UPRT: variants seen among roughly 807,000 people sequenced by gnomAD.
UPRT encodes the protein uracil phosphoribosyltransferase homolog, also known as RP11-311P8.3.
UPRT carries 5 observed loss-of-function variants against 22.6 expected under a neutral mutation model. That is an observed-to-expected ratio of 0.22 (90% CI 0.12 to 0.47). The LOEUF is 0.47. UPRT is among the 20% of genes least tolerant of loss of function. The probability of loss-of-function intolerance (pLI) is 0.99; values close to 1 mark genes in which losing one functional copy is unlikely to be tolerated. For missense variants in UPRT, 181 were observed against 239.9 expected (o/e 0.75, Z 1.62); for synonymous variants, 77 against 87.7 (o/e 0.88, Z 0.68).
At chrX:75,173,226 G>A (rs916511382) in intron 4 of UPRT, among the ~76,000 whole-genome samples, 1 of 111,808 alleles carries the variant, frequency 8.9e-6, no homozygotes, top group Non-Finnish European at 1.9e-5. Context: ...TGATTGGTGT[G>A]TTTACAAACC....
intron 1 of UPRT, among the ~76,000 whole-genome samples, chrX:75,282,137 G>A: frequency 9.0e-6 from 1 of 110,633 alleles, no homozygotes; most frequent in South Asian, 3.7e-4. Context: ...TCTTAGTGAG[G>A]TCATTTGGAT....
chrX:75,202,368 A>T (rs1040565947), intron 4 of UPRT, among the ~76,000 whole-genome samples: 9 of 111,191 alleles, frequency 8.1e-5, no homozygotes, highest in Non-Finnish European at 1.5e-4. Flanking sequence ...TGGGAGTCTA[A>T]GGCAAGAGGA....
At chrX:75,294,674 T>C (rs969191298) in intron 2 of UPRT, 5 of 828,531 alleles carry the variant, frequency 6.0e-6, no homozygotes, top group Non-Finnish European at 7.8e-6. Flanking sequence ...TGAGTTTTCA[T>C]TGGCAGTAAT....
intron 3 of UPRT, among the ~76,000 whole-genome samples, chrX:75,164,226 A>T (rs1473342805): frequency 9.0e-6 from 1 of 111,655 alleles, no homozygotes; most frequent in African/African-American, 3.3e-5. Flanking sequence ...TGTGAGTTTG[A>T]TCTCTAACAT....
intron 4 of UPRT, among the ~76,000 whole-genome samples, chrX:75,265,832 A>G (rs1362389786): frequency 1.8e-5 from 2 of 110,937 alleles, no homozygotes; most frequent in Admixed American, 1.9e-4. Flanking sequence ...GTCTTTGATG[A>G]TGGTGACATA....
intron 1 of UPRT, among the ~76,000 whole-genome samples, chrX:75,288,109 T>G (rs1259102239): frequency 9.0e-6 from 1 of 111,164 alleles, no homozygotes; most frequent in Non-Finnish European, 1.9e-5. Context: ...ACAAACATTC[T>G]CCTAAAATTG....
At chrX:75,220,325 A>G (rs1387559834) in intron 4 of UPRT, among the ~76,000 whole-genome samples, 2 of 111,229 alleles carry the variant, frequency 1.8e-5, no homozygotes, top group Admixed American at 1.9e-4. Flanking sequence ...CTTGTAGGCA[A>G]CAGATCAATG....
At chrX:75,175,206 ACTTCAGTGTTGATTC>A (rs2082243002) in intron 4 of UPRT, among the ~76,000 whole-genome samples, 1 of 111,322 alleles carries the variant, frequency 9.0e-6, no homozygotes, top group South Asian at 3.8e-4. Flanking sequence ...TAATGCCCAG[ACTTCAGTGTTGATTC>A]CTTCCTCAAG....
chrX:75,227,039 T>C (rs191425743), intron 4 of UPRT, among the ~76,000 whole-genome samples: 66 of 111,194 alleles, frequency 5.9e-4, no homozygotes, highest in Admixed American at 1.2e-3. Flanking sequence ...AAACAAGCTT[T>C]GGGCATGTAT....
chrX:75,303,863 C>T lies in UPRT; in HGVS notation c.*352C>T, dbSNP rs1474192826. 7.0e-6 allele frequency: 1 copy of T among 141,896 alleles called. No individual in the cohort carries two copies. The highest frequency in any genetic ancestry group is 1.3e-5 in the Non-Finnish European group (1 of 74,361). 11.7% of individuals were successfully genotyped at this position (141,896 alleles called of 1,213,427 possible). On this transcript the variant is annotated 3_prime_UTR_variant, in exon 7 of 7. Transcript: ENST00000373383. ...AAATGAGAGTCAGTTCTTTGTCCCA[C>T]TGTAGTTTGCATTTTGTTTAGTTTG...
At position 75,253,960 on chromosome X, in the gene UPRT, G is replaced by C. The variant is rs747340037; in HGVS notation, c.-446-37064G>C. On this transcript the variant is annotated intron_variant, in intron 4 of 13. Coordinates refer to the UPRT transcript ENST00000652605. The stretch of plus-strand genomic sequence containing the variant: ...CAACCCATCTCTGCCTGGCCTCACA[G>C]GGGTCTTTCAGAAGGGTTCCAGAGG... Among the ~76,000 whole-genome samples the C allele has an allele frequency of 4.6e-4, 51 of 111,488 alleles. 1 individual carries two copies. The highest frequency in any genetic ancestry group is 1.0e-3 in the Admixed American group (11 of 10,490).
chrX:75,200,238 A>G (rs1022884232), intron 4 of UPRT, among the ~76,000 whole-genome samples: 2 of 112,253 alleles, frequency 1.8e-5, no homozygotes, highest in African/African-American at 6.5e-5. Flanking sequence ...GACTTTTGTA[A>G]TAGCTTCTTC....
chrX:75,277,435 A>T (rs2082635940), intron 1 of UPRT, among the ~76,000 whole-genome samples: 1 of 110,215 alleles, frequency 9.1e-6, no homozygotes, highest in Admixed American at 9.7e-5. Context: ...TAAGTTTGGA[A>T]GGAGACAGCA....
chrX:75,252,450 A>C (rs760021394), intron 4 of UPRT, among the ~76,000 whole-genome samples: 1 of 112,870 alleles, frequency 8.9e-6, no homozygotes, highest in African/African-American at 3.2e-5. Context: ...AATGCTCATC[A>C]ACACTGGCCA....
At chrX:75,197,451 A>C (rs1163198369) in intron 4 of UPRT, among the ~76,000 whole-genome samples, 1 of 112,280 alleles carries the variant, frequency 8.9e-6, no homozygotes, top group Non-Finnish European at 1.9e-5. Context: ...ATGATCAAAC[A>C]CAGAATTTGA....
chrX:75,234,199 T>A (rs1159862355), intron 4 of UPRT, among the ~76,000 whole-genome samples: 10 of 111,254 alleles, frequency 9.0e-5, no homozygotes, highest in East Asian at 2.8e-4. Context: ...AGGCCATTAC[T>A]CAATGGTAAA....
chrX:75,294,099 G>A (rs1008568887), intron 2 of UPRT, among the ~76,000 whole-genome samples: 16 of 110,476 alleles, frequency 1.4e-4, no homozygotes, highest in Non-Finnish European at 2.7e-4. Flanking sequence ...TTCAGGGTAA[G>A]CACTGTGTTT....
chrX:75,282,760 G>T (rs761137084), intron 1 of UPRT, among the ~76,000 whole-genome samples: 5 of 111,515 alleles, frequency 4.5e-5, no homozygotes, highest in Admixed American at 1.9e-4. Flanking sequence ...GTTGTTGGAC[G>T]AAATGTTCTG....
At chrX:75,225,572 G>A (rs1390035005) in intron 4 of UPRT, among the ~76,000 whole-genome samples, 1 of 111,804 alleles carries the variant, frequency 8.9e-6, no homozygotes, top group African/African-American at 3.3e-5. Flanking sequence ...TGATCTGGGA[G>A]GAGGGAAGAG....
Sources: allele counts gnomAD v4.1 joint callset (sites outside exome capture counted in the v4.1 genomes callset), GRCh38; gene constraint gnomAD v4.1.1; transcripts MANE v1.5; gene names NCBI Gene and HGNC (gene_info 2026-07-23, HGNC 2026-07-21).